The following MTERF4 variants were observed in gnomAD, a reference collection of about 807,000 sequenced individuals.
MTERF4 encodes the protein transcription termination factor 4, mitochondrial.
A neutral mutation model predicts 22.5 loss-of-function variants in MTERF4; 17 were observed. The ratio of observed to expected loss-of-function variants is 0.75; its 90% CI spans 0.52 to 1.13. The LOEUF (loss-of-function observed/expected upper bound fraction) is 1.13. MTERF4 is among the 50% of genes most tolerant of loss of function. The pLI is 0.00. For synonymous variants in MTERF4, 165 were observed against 175.3 expected (o/e 0.94, Z 0.47); for missense variants, 420 against 466.8 (o/e 0.90, Z 0.92).
chr2:241,064,740 C>T, the MTERF4 span: 1 of 775,130 alleles, frequency 1.3e-6, no homozygotes, highest in Non-Finnish European at 2.0e-6. This position sits in a 1 kb window ranked among gnomAD's most constrained non-coding sequence, Gnocchi z 7.0. Context: ...CCCGCCCCTC[C>T]ACACCCACGC....
At chr2:241,085,278 G>C (rs1397376408), downstream of MTERF4, among the ~76,000 whole-genome samples, 1 of 152,108 alleles carries the variant, frequency 6.6e-6, no homozygotes, top group African/African-American at 2.4e-5. Context: ...GGTCACTGCA[G>C]CTCTTCTCAA....
the MTERF4 span, among the ~76,000 whole-genome samples, chr2:241,061,253 A>G: frequency 6.6e-6 from 1 of 152,266 alleles, no homozygotes; most frequent in Non-Finnish European, 1.5e-5. Context: ...CAAAAGGCCA[A>G]CAAACATAAA....
the MTERF4 span, among the ~76,000 whole-genome samples, chr2:241,042,609 A>G: frequency 6.6e-6 from 1 of 152,380 alleles, no homozygotes; most frequent in East Asian, 1.9e-4. Context: ...ATGTTTAATT[A>G]TCTATTATGA....
At chr2:241,072,427 TTGGCAGGAGTGAGGCAGGCG>T in exon 5 of MTERF4, 1 of 359,120 alleles carries the variant, frequency 2.8e-6, no homozygotes, top group East Asian at 7.4e-5. Flanking sequence ...CTGAGACATG[TTGGCAGGAGTGAGGCAGGCG>T]CGACCCTGCC....
intron 4 of MTERF4, chr2:241,081,852 G>A (rs761991472): frequency 7.7e-7 from 1 of 1,300,422 alleles, no homozygotes. Flanking sequence ...CTCAGCCTAG[G>A]ACTGCTGGGC....
At chr2:241,089,467 C>T, downstream of MTERF4, 3 of 1,528,464 alleles carry the variant, frequency 2.0e-6, no homozygotes, top group Non-Finnish European at 2.6e-6. Context: ...GGAAGAGTGT[C>T]CACACCCCCT....
chr2:241,062,208 G>A, the MTERF4 span, among the ~76,000 whole-genome samples: 1 of 152,134 alleles, frequency 6.6e-6, no homozygotes, highest in Non-Finnish European at 1.5e-5. Flanking sequence ...GATTCTTATC[G>A]CAAGGGAAGA....
chr2:241,085,802 A>G (rs543973685), downstream of MTERF4, among the ~76,000 whole-genome samples: 4 of 147,448 alleles, frequency 2.7e-5, no homozygotes, highest in South Asian at 8.8e-4. Context: ...GCTTTGGAGT[A>G]GCCTTTATTC....
chr2:241,070,098 C>T (rs764719467), downstream of MTERF4: 41 of 1,612,896 alleles, frequency 2.5e-5, no homozygotes, highest in East Asian at 3.1e-4. Flanking sequence ...ACACGGTGCG[C>T]GACCTGCTGC....
At chr2:241,052,441 G>A in the MTERF4 span, 1 of 1,610,050 alleles carries the variant, frequency 6.2e-7, no homozygotes, top group Non-Finnish European at 8.5e-7. Context: ...CTGCCAAGCA[G>A]GGTACATGGG....
chr2:241,067,520 C>T (rs575625881), downstream of MTERF4, among the ~76,000 whole-genome samples: 2 of 152,336 alleles, frequency 1.3e-5, no homozygotes, highest in Admixed American at 6.5e-5. Flanking sequence ...TCTGGTAAGA[C>T]GGGCTGGCCC....
chr2:241,084,192 G>A (rs527817408), downstream of MTERF4, among the ~76,000 whole-genome samples: 3 of 147,892 alleles, frequency 2.0e-5, no homozygotes, highest in Admixed American at 1.4e-4. Flanking sequence ...GCTGGAGTGC[G>A]ATGGTGCGAT....
At chr2:241,089,861 A>G (rs2063799275), downstream of MTERF4, 1 of 1,453,100 alleles carries the variant, frequency 6.9e-7, no homozygotes, top group Middle Eastern at 1.8e-4. Context: ...CTCCCGGGCT[A>G]CACACCACAG....
the MTERF4 span, among the ~76,000 whole-genome samples, chr2:241,056,019 T>C: frequency 1.3e-5 from 2 of 149,988 alleles, no homozygotes; most frequent in Admixed American, 1.3e-4. Flanking sequence ...ATTTCCACTG[T>C]TCTTATACGC....
chr2:241,065,526 T>G, the MTERF4 span: 2 of 1,612,982 alleles, frequency 1.2e-6, no homozygotes, highest in South Asian at 1.1e-5. Context: ...CATCTCCGTC[T>G]TCTCAGTGAA....
intron 2 of MTERF4, 96 bp downstream of exon 2, chr2:241,099,300 C>T: frequency 3.6e-6 from 5 of 1,379,064 alleles, no homozygotes; most frequent in Non-Finnish European, 3.9e-6. Flanking sequence ...ATCTTGAACC[C>T]CTGACCTCAA....
the MTERF4 span, chr2:241,065,698 A>C: frequency 1.0e-6 from 1 of 981,438 alleles, no homozygotes; most frequent in African/African-American, 1.6e-5. Flanking sequence ...CCACCCTCCT[A>C]GTTCTTGCAG....
chr2:241,090,247 G>A, downstream of MTERF4: 2 of 1,501,756 alleles, frequency 1.3e-6, no homozygotes, highest in East Asian at 2.5e-5. Flanking sequence ...TAAAAACTAA[G>A]ACACAAACAC....
At chr2:241,099,264 A>G in intron 2 of MTERF4, 132 bp downstream of exon 2, 1 of 982,874 alleles carries the variant, frequency 1.0e-6, no homozygotes, top group South Asian at 1.7e-5. Context: ...TAGTTGAGTC[A>G]GGGTTTCACC....
Sources: gnomAD v4.1 joint callset for allele counts (sites outside exome capture counted in the v4.1 genomes callset) on GRCh38, gnomAD v4.1.1 for gene constraint, Gnocchi (gnomAD v3.1) non-coding constraint, MANE v1.5 for transcripts, NCBI Gene and HGNC (gene_info 2026-07-23, HGNC 2026-07-21) for gene names.